The following NBEA variants were observed in gnomAD, a reference collection of about 807,000 sequenced individuals.
The protein encoded by NBEA is neurobeachin, also known as lysosomal-trafficking regulator 2.
In NBEA, 44 loss-of-function variants were observed where a neutral mutation model predicts 343.4. The ratio of observed to expected loss-of-function variants is 0.13; its 90% CI spans 0.10 to 0.16. NBEA has a LOEUF of 0.16. NBEA is among the 10% of genes least tolerant of loss of function. NBEA has a pLI of 1.00. For synonymous variants in NBEA, 1,175 were observed against 1,238.7 expected (o/e 0.95, Z 1.08); for missense variants, 2,555 against 3,631.3 (o/e 0.70, Z 7.62).
chr13:35,162,347 G>A (rs1191928301), intron 23 of NBEA, among the ~76,000 whole-genome samples: 3 of 152,108 alleles, frequency 2.0e-5, no homozygotes, highest in African/African-American at 7.2e-5. Flanking sequence ...ACATAGGCAT[G>A]AATACAATTA....
intron 1 of NBEA, among the ~76,000 whole-genome samples, chr13:35,018,253 C>T (rs540502556): frequency 2.6e-5 from 4 of 152,086 alleles, no homozygotes; most frequent in Admixed American, 1.3e-4. Flanking sequence ...TTTCCATATA[C>T]GTTTTGTAAT....
intron 38 of NBEA, among the ~76,000 whole-genome samples, chr13:35,389,181 A>G (rs1737120183): frequency 6.6e-6 from 1 of 152,124 alleles, no homozygotes; most frequent in South Asian, 2.1e-4. Context: ...AGCCATTCTG[A>G]TCATTCATAG....
intron 13 of NBEA, among the ~76,000 whole-genome samples, chr13:35,116,585 C>G (rs1358891411): frequency 1.3e-5 from 2 of 151,810 alleles, no homozygotes; most frequent in East Asian, 3.9e-4. Flanking sequence ...ATATAATAAT[C>G]TTCATGTAAA....
intron 10 of NBEA, among the ~76,000 whole-genome samples, chr13:35,093,335 A>G (rs985336165): frequency 2.7e-5 from 4 of 150,734 alleles, no homozygotes; most frequent in Admixed American, 1.3e-4. Flanking sequence ...AAAAAGAGAA[A>G]TTTCACTGCA....
intron 34 of NBEA, among the ~76,000 whole-genome samples, chr13:35,247,119 G>A (rs540530479): frequency 4.6e-5 from 7 of 152,198 alleles, no homozygotes; most frequent in African/African-American, 1.7e-4. Context: ...CCAGATGGCC[G>A]GTCTCATTCC....
chr13:35,217,342 GT>G (rs1053743238), intron 33 of NBEA, among the ~76,000 whole-genome samples: 1 of 151,854 alleles, frequency 6.6e-6, no homozygotes, highest in Non-Finnish European at 1.5e-5. Flanking sequence ...CTTTTAATGG[GT>G]TTTTTAGCAG....
At chr13:35,391,003 A>C (rs1016467418) in intron 38 of NBEA, among the ~76,000 whole-genome samples, 13 of 152,158 alleles carry the variant, frequency 8.5e-5, no homozygotes, top group Admixed American at 6.6e-4. Flanking sequence ...TTCCAGGTGC[A>C]GTGGCTCATG....
intron 36 of NBEA, among the ~76,000 whole-genome samples, chr13:35,345,598 A>ATTAC (rs2039826572): frequency 6.6e-6 from 1 of 152,046 alleles, no homozygotes; most frequent in Non-Finnish European, 1.5e-5. Flanking sequence ...TCTAGATGTA[A>ATTAC]GACTGAGAAA....
At chr13:35,235,038 A>G (rs1163891196) in intron 34 of NBEA, among the ~76,000 whole-genome samples, 3 of 152,194 alleles carry the variant, frequency 2.0e-5, no homozygotes, top group African/African-American at 7.2e-5. Context: ...TTCTTCAAAT[A>G]TTATTAACAT....
At chr13:35,372,633 C>T (rs1339606612) in intron 38 of NBEA, among the ~76,000 whole-genome samples, 1 of 152,162 alleles carries the variant, frequency 6.6e-6, no homozygotes, top group African/African-American at 2.4e-5. Flanking sequence ...GTGCAGCACC[C>T]ATAAGCAGGG....
chr13:35,306,408 T>G (rs901956590), intron 35 of NBEA, among the ~76,000 whole-genome samples: 3 of 152,148 alleles, frequency 2.0e-5, no homozygotes, highest in African/African-American at 7.2e-5. Context: ...TTTGTCTCCT[T>G]TGTTTTCTAT....
chr13:35,162,407 AC>A (rs2069637330), intron 23 of NBEA, among the ~76,000 whole-genome samples: 1 of 152,164 alleles, frequency 6.6e-6, no homozygotes, highest in Non-Finnish European at 1.5e-5. Flanking sequence ...ATCTAGCACA[AC>A]ATTCTTAGAA....
At chr13:35,150,909 AG>A (rs894512700) in intron 18 of NBEA, among the ~76,000 whole-genome samples, 1 of 151,936 alleles carries the variant, frequency 6.6e-6, no homozygotes, top group Non-Finnish European at 1.5e-5. Context: ...TGAGATCAGG[AG>A]TTTAAGACCA....
intron 38 of NBEA, among the ~76,000 whole-genome samples, chr13:35,371,426 C>A (rs1161937077): frequency 6.6e-6 from 1 of 151,744 alleles, no homozygotes; most frequent in East Asian, 1.9e-4. Context: ...TTTTTTATTT[C>A]ATTCCATGAA....
intron 48 of NBEA, among the ~76,000 whole-genome samples, chr13:35,615,068 A>T (rs929352126): frequency 1.3e-5 from 2 of 150,850 alleles, no homozygotes; most frequent in African/African-American, 4.9e-5. Context: ...CGATCGCTTG[A>T]GACCAGGAGT....
chr13:35,428,770 C>T (rs2044886618), intron 38 of NBEA, among the ~76,000 whole-genome samples: 3 of 152,088 alleles, frequency 2.0e-5, no homozygotes, highest in African/African-American at 4.8e-5. Flanking sequence ...CTTGATATGA[C>T]AAGTGATTTT....
At chr13:35,669,436 T>C (rs1175212296) in intron 58 of NBEA, among the ~76,000 whole-genome samples, 1 of 152,210 alleles carries the variant, frequency 6.6e-6, no homozygotes, top group East Asian at 1.9e-4. Flanking sequence ...TAACAAAGCA[T>C]CTTCACAATA....
At chr13:35,301,414 C>G (rs1055373666) in intron 35 of NBEA, among the ~76,000 whole-genome samples, 1 of 152,092 alleles carries the variant, frequency 6.6e-6, no homozygotes. Context: ...GTTCAACTCC[C>G]ACTTATGAGT....
chr13:35,027,491 T>C (rs1241518851), intron 1 of NBEA, among the ~76,000 whole-genome samples: 1 of 151,968 alleles, frequency 6.6e-6, no homozygotes, highest in Non-Finnish European at 1.5e-5. Context: ...ATAGATCCTC[T>C]TTGATCAAAT....
Sources: gnomAD v4.1 joint callset for allele counts (sites outside exome capture counted in the v4.1 genomes callset) on GRCh38, gnomAD v4.1.1 for gene constraint, MANE v1.5 for transcripts, NCBI Gene and HGNC (gene_info 2026-07-23, HGNC 2026-07-21) for gene names.